The following STUM variants were observed in gnomAD, a reference collection of about 807,000 sequenced individuals.
STUM encodes the protein protein stum homolog.
STUM carries 8 observed loss-of-function variants against 15.3 expected under a neutral mutation model. That is an observed-to-expected ratio of 0.52 (90% CI 0.31 to 0.94). The LOEUF (loss-of-function observed/expected upper bound fraction) is 0.94, where lower values mean the gene tolerates loss of function less well. Ranked by LOEUF, STUM falls within the 40% of genes least tolerant of loss-of-function variation. The pLI, the probability that STUM is intolerant of heterozygous loss-of-function variation, is 0.05. For synonymous variants in STUM, 78 were observed against 88.7 expected, an observed-to-expected ratio of 0.88 and a Z score of 0.68; for missense variants, 142 against 204.9, an observed-to-expected ratio of 0.69 and a Z score of 1.87.
chr1:226,582,595 C>CAA (rs11336086), intron 1 of STUM, among the ~76,000 whole-genome samples: 1 of 140,152 alleles, frequency 7.1e-6, no homozygotes, highest in Non-Finnish European at 1.6e-5. Context: ...CATGCCATCT[C>CAA]AAAAAAAAAA....
intron 1 of STUM, among the ~76,000 whole-genome samples, chr1:226,563,048 A>G (rs970018832): frequency 2.6e-5 from 4 of 152,268 alleles, no homozygotes; most frequent in Admixed American, 2.6e-4. Flanking sequence ...GAATGGCAAG[A>G]CAAATGGAGT....
At position 226,600,684 on chromosome 1, in the gene STUM, C is replaced by T. The variant is rs771082681; in HGVS notation, c.391+10C>T. 22 of 1,610,646 alleles carry T rather than the reference C, an allele frequency of 1.4e-5. No individual in the cohort carries two copies. Among genetic ancestry groups the T allele is most frequent in the Admixed American group, 3.3e-5 (2 of 60,026 alleles). On this transcript the variant is annotated intron_variant, in intron 3 of 3. Coordinates refer to ENST00000366788, the MANE Select transcript of STUM (RefSeq NM_001003665.4). The surrounding 1 kb of genome is among the most constrained non-coding windows in gnomAD (Gnocchi z 5.2). The stretch of plus-strand genomic sequence containing the variant: ...GCTGCAGTTTCCCAAGGTGAGTCTG[C>T]GGATGGACGTGCGGGCCTCGTGCTG...
chr1:226,549,116 G>C lies in STUM; in HGVS notation c.202+10G>C. On this transcript the variant is annotated intron_variant, in intron 1 of 3. Transcript: ENST00000366788. The surrounding 1 kb of genome is among the most constrained non-coding windows in gnomAD (Gnocchi z 6.8). ...TTCGTGCCGGGACTGGGTAAGACAC[G>C]GCTGCCGCGACCCTTGCGACCCCCA... 3 of 1,571,030 alleles carry C rather than the reference G, an allele frequency of 1.9e-6. No homozygotes were observed. Among genetic ancestry groups the C allele is most frequent in the Non-Finnish European group, 2.6e-6 (3 of 1,161,478 alleles).
intron 1 of STUM, among the ~76,000 whole-genome samples, chr1:226,581,145 T>C (rs1028337459): frequency 2.0e-5 from 3 of 152,222 alleles, no homozygotes; most frequent in Admixed American, 6.5e-5. Flanking sequence ...GTTTCACACA[T>C]GTATCACTTT....
chr1:226,575,984 G>A (rs773741552), intron 1 of STUM, among the ~76,000 whole-genome samples: 13 of 152,350 alleles, frequency 8.5e-5, no homozygotes, highest in African/African-American at 2.4e-4. Context: ...GAAAGAGAAC[G>A]TACTGCCCTA....
rs1668248269 is a variant in STUM at position 226,600,575 on chromosome 1, A to C, written c.383-91A>C. 6.7e-7 allele frequency: 1 copy of C among 1,493,916 alleles called. No homozygotes were observed. Among genetic ancestry groups the C allele is most frequent in the Admixed American group, 1.7e-5 (1 of 59,830 alleles). 92.5% of individuals were successfully genotyped at this position (1,493,916 alleles called of 1,614,324 possible). On this transcript the variant is annotated intron_variant, in intron 2 of 3. Coordinates refer to ENST00000366788, the MANE Select transcript of STUM (RefSeq NM_001003665.4). This position sits in a 1 kb window ranked among gnomAD's most constrained non-coding sequence, Gnocchi z 5.2. ...TGGATCTGCTTTGTTTCCTGTGCCA[A>C]GCGTTCCCTGTGGCTCTGTTTTCAG...
rs74881138 is a variant in STUM, at chr1:226,572,004, T to C, written c.202+22898T>C. Among the ~76,000 whole-genome samples the C allele has an allele frequency of 3.4e-4, 52 of 152,278 alleles. No individual in the cohort carries two copies. In the East Asian group the frequency reaches 9.1e-3, roughly 27 times the overall value. ...GTGCCTGGAGGCCTCTTGAGCAAAG[T>C]TGCTTAGAAACCTGTGTTGTCAGAG... On this transcript the variant is annotated intron_variant, in intron 1 of 3. Coordinates refer to ENST00000366788, the MANE Select transcript of STUM (RefSeq NM_001003665.4).
intron 2 of STUM, chr1:226,597,552 T>A (rs1163202587): frequency 2.2e-6 from 1 of 450,782 alleles, no homozygotes; most frequent in Non-Finnish European, 4.6e-6. Context: ...GTGTCAGAGG[T>A]AAGCTGAGCC....
chr1:226,570,286 G>A (rs1485667104), intron 1 of STUM, among the ~76,000 whole-genome samples: 2 of 152,206 alleles, frequency 1.3e-5, no homozygotes, highest in Non-Finnish European at 2.9e-5. Context: ...ATGGAGTTGA[G>A]TCAGGAGGCG....
At chr1:226,583,663 T>G (rs1019287681) in intron 1 of STUM, among the ~76,000 whole-genome samples, 2 of 152,150 alleles carry the variant, frequency 1.3e-5, no homozygotes, top group African/African-American at 4.8e-5. Flanking sequence ...CTGTGTCCCC[T>G]AGAGTCCTCC....
chr1:226,553,733 A>G (rs1667405764), intron 1 of STUM, among the ~76,000 whole-genome samples: 1 of 152,236 alleles, frequency 6.6e-6, no homozygotes, highest in African/African-American at 2.4e-5. Flanking sequence ...GTGGTGCATG[A>G]TATGGACTGT....
intron 1 of STUM, among the ~76,000 whole-genome samples, chr1:226,580,002 T>C (rs1667893543): frequency 1.3e-5 from 2 of 152,196 alleles, no homozygotes; most frequent in South Asian, 4.2e-4. Context: ...CCTGTAGCTG[T>C]TGTAGGCAGC....
intron 1 of STUM, among the ~76,000 whole-genome samples, chr1:226,570,661 G>C (rs1402113211): frequency 6.6e-6 from 1 of 152,146 alleles, no homozygotes; most frequent in Non-Finnish European, 1.5e-5. Context: ...TGAGCTCCCT[G>C]CTTCCCCAGC....
Position 226,549,311 on chromosome 1 carries a change from G to T in STUM, c.202+205G>T, listed in dbSNP as rs1667331265. ...CCCAGAGGGGAGAGGCTGCGCTGGG[G>T]TCTCCGACCCGCAGGCGGGGCCCCA... On this transcript the variant is annotated intron_variant, in intron 1 of 3. Transcript: ENST00000366788. This position sits in a 1 kb window ranked among gnomAD's most constrained non-coding sequence, Gnocchi z 6.8. 6.6e-6 allele frequency among the ~76,000 whole-genome samples: 1 copy of T among 152,192 alleles called. No individual in the cohort carries two copies. Among genetic ancestry groups the T allele is most frequent in the Non-Finnish European group, 1.5e-5 (1 of 68,030 alleles).
chr1:226,589,365 A>T (rs1668048848), intron 1 of STUM, among the ~76,000 whole-genome samples: 1 of 152,162 alleles, frequency 6.6e-6, no homozygotes, highest in Non-Finnish European at 1.5e-5. Context: ...TCCCCAGAGG[A>T]CAAGCCCAGA....
chr1:226,591,336 A>C (rs761933968), intron 1 of STUM, among the ~76,000 whole-genome samples: 8 of 152,196 alleles, frequency 5.3e-5, no homozygotes, highest in Non-Finnish European at 1.0e-4. Flanking sequence ...TATGTGTATA[A>C]GGTTATATTT....
intron 1 of STUM, among the ~76,000 whole-genome samples, chr1:226,575,138 G>A (rs1558281961): frequency 6.6e-6 from 1 of 152,328 alleles, no homozygotes; most frequent in South Asian, 2.1e-4. Flanking sequence ...TTAGGAAGGG[G>A]CAGAGCTGGT....
chr1:226,576,548 G>A (rs925448978), intron 1 of STUM, among the ~76,000 whole-genome samples: 2 of 152,048 alleles, frequency 1.3e-5, no homozygotes, highest in Non-Finnish European at 2.9e-5. Context: ...CACCCAAAAG[G>A]CATTTTTTTT....
intron 1 of STUM, among the ~76,000 whole-genome samples, chr1:226,595,519 A>G (rs1276939500): frequency 6.6e-6 from 1 of 152,210 alleles, no homozygotes; most frequent in East Asian, 1.9e-4. Flanking sequence ...AGAGTGTAGT[A>G]AGCCAAACAG....
Sources: allele counts gnomAD v4.1 joint callset (sites outside exome capture counted in the v4.1 genomes callset), GRCh38; gene constraint gnomAD v4.1.1; non-coding constraint Gnocchi (gnomAD v3.1); transcripts MANE v1.5; gene names NCBI Gene and HGNC (gene_info 2026-07-23, HGNC 2026-07-21).